SLF2: variants seen among roughly 807,000 people sequenced by gnomAD.
SLF2 encodes the protein SMC5-SMC6 complex localization factor protein 2.
Under a neutral mutation model 124.3 loss-of-function variants are expected in SLF2, and 68 were observed. The observed-to-expected ratio is 0.55, with a 90% CI of 0.45 to 0.67. SLF2 has a LOEUF of 0.67. SLF2 is among the 30% of genes least tolerant of loss of function. The probability of loss-of-function intolerance (pLI) is 0.00; values close to 1 mark genes in which losing one functional copy is unlikely to be tolerated. For synonymous variants in SLF2, 480 were observed against 478.8 expected (o/e 1.00, Z -0.03); for missense variants, 1,246 against 1,373.7 (o/e 0.91, Z 1.47).
In SLF2 at chr10:100,925,955, G is replaced by A. The variant is rs1849603440; in HGVS notation, c.1978G>A (p.Val660Ile). The change falls in exon 6 of 20, where the codon GTT becomes ATT. Residue 660 changes from valine to isoleucine, a missense_variant. Transcript: ENST00000238961. Reference sequence around the variant, plus strand: ...CTAAATGTTCTTGTTTTAGGGACATGTTCATCCTGGAACTTACACAAATAC... The same window carrying A: ...CTAAATGTTCTTGTTTTAGGGACATATTCATCCTGGAACTTACACAAATAC... ...RSQSSDYTGH[V>I]HPGTYTNTLE... The A allele has an allele frequency of 1.3e-6, 2 of 1,592,734 alleles. No homozygotes were observed. Among genetic ancestry groups the A allele is most frequent in the South Asian group, 1.1e-5 (1 of 87,396 alleles).
chr10:100,925,280 A>G (rs1432103287), intron 5 of SLF2, among the ~76,000 whole-genome samples: 1 of 152,226 alleles, frequency 6.6e-6, no homozygotes, highest in Admixed American at 6.5e-5. Flanking sequence ...TCTAAAGCAT[A>G]TGCAAAAACA....
Position 100,937,569 on chromosome 10 carries a change from G to T in SLF2, c.2512+92G>T. The T allele has an allele frequency of 1.7e-5, 14 of 835,086 alleles. No individual in the cohort carries two copies. The South Asian group carries it at 1.9e-4, about 12-fold the overall frequency. 51.7% of individuals were successfully genotyped at this position (835,086 alleles called of 1,614,324 possible). A position where few individuals can be genotyped will look rare whatever the true frequency, so the allele number is the denominator to read the frequency against. ...ACATTGCTAAATGTTAGTATATTTG[G>T]AAATATACAATACAAAATTATTTTT... is the stretch of plus-strand genomic sequence containing the variant. On this transcript the variant is annotated intron_variant, in intron 10 of 19. Coordinates refer to ENST00000238961, the MANE Select transcript of SLF2 (RefSeq NM_018121.4).
chr10:100,932,907 G>T (rs1849772602), intron 9 of SLF2, among the ~76,000 whole-genome samples: 1 of 152,102 alleles, frequency 6.6e-6, no homozygotes, highest in Non-Finnish European at 1.5e-5. Context: ...GCTTGTCAAT[G>T]TCACTCCTAA....
At chr10:100,955,252 TAA>T (rs756117577) in intron 17 of SLF2, among the ~76,000 whole-genome samples, 10 of 142,218 alleles carry the variant, frequency 7.0e-5, no homozygotes, top group Non-Finnish European at 1.4e-4. Flanking sequence ...CCCTATCTCT[TAA>T]AAAAAAAAAA....
chr10:100,926,136 T>C (rs1163186597), intron 6 of SLF2, 117 bp downstream of exon 6: 9 of 1,574,392 alleles, frequency 5.7e-6, no homozygotes, highest in Middle Eastern at 1.7e-4. Context: ...TTGGACTCTG[T>C]TGTCAACTGT....
At chr10:100,959,916 C>T (rs1448483360) in intron 19 of SLF2, among the ~76,000 whole-genome samples, 2 of 152,184 alleles carry the variant, frequency 1.3e-5, no homozygotes, top group Admixed American at 6.5e-5. Context: ...TACCCATTAG[C>T]AGTCATTCAT....
At position 100,918,435 on chromosome 10, in the gene SLF2, A is replaced by G. The variant is rs751152742; in HGVS notation, c.967A>G (p.Thr323Ala). ...KRSSSDSWEP[T>A]SAGSKQNKFP... ...ATCCTCTTCTGATTCATGGGAACCT[A>G]CTTCAGGTAGAATCAAAATTAAATT... Residue 323 changes from threonine (T) to alanine (A), a missense_variant, in exon 4 of 20, where the codon ACT becomes GCT. Thr to Ala is a moderately conservative substitution (Grantham distance 58). Transcript: ENST00000238961. The G allele has an allele frequency of 6.3e-7, 1 of 1,581,844 alleles. No homozygotes were observed. The highest frequency in any genetic ancestry group is 2.3e-5 in the East Asian group (1 of 44,106).
intron 17 of SLF2, among the ~76,000 whole-genome samples, chr10:100,951,113 G>A (rs149391230): frequency 2.6e-5 from 4 of 152,260 alleles, no homozygotes; most frequent in Non-Finnish European, 4.4e-5. Context: ...CGTTGTGGCA[G>A]GTGCCTGTAA....
chr10:100,924,688 G>C lies in SLF2; in HGVS notation c.1687G>C (p.Val563Leu). The change falls in exon 5 of 20, where the codon GTG (valine) becomes CTG (leucine). Residue 563 changes from valine to leucine, a missense_variant. Physicochemically the swap from Val to Leu is conservative, Grantham distance 32. Transcript: ENST00000238961. ...GTCTCCCCCTGCTGCTTTGGAAGTT[G>C]TGCCATGTATCCCAAGCCCTGCAGC... ...TKSPPAALEVVPCIPSPAAPS... is the reference protein window; with the variant it reads ...TKSPPAALEVLPCIPSPAAPS... The C allele has an allele frequency of 1.2e-6, 2 of 1,614,138 alleles. No homozygotes were observed. Among genetic ancestry groups the C allele is most frequent in the Non-Finnish European group, 1.7e-6 (2 of 1,180,034 alleles).
chr10:100,950,858 A>G (rs1307396680), intron 17 of SLF2, 105 bp downstream of exon 17: 6 of 856,296 alleles, frequency 7.0e-6, no homozygotes, highest in Non-Finnish European at 1.1e-5. Context: ...AACTTTTCTT[A>G]ATATAAAAGC....
intron 15 of SLF2, among the ~76,000 whole-genome samples, 193 bp from the exon 16 acceptor site, chr10:100,949,883 A>C (rs1850177614): frequency 6.6e-6 from 1 of 152,174 alleles, no homozygotes; most frequent in Admixed American, 6.5e-5. Context: ...GGTGTGAGCC[A>C]CCGTGCCCGA....
rs1216027737 is a variant in SLF2 at position 100,964,683 on chromosome 10, CATTTTT to C, written c.*2780_*2785del. ...CATCCAGGCTTAGTTGGAGTATTTG[CATTTTT>C]ATTTTTATCAAAACAAATATAATTG... is the stretch of plus-strand genomic sequence containing the variant. On this transcript the variant is annotated 3_prime_UTR_variant, in exon 20 of 20. Coordinates refer to ENST00000238961, the MANE Select transcript of SLF2 (RefSeq NM_018121.4). 1 of 152,602 alleles carries C rather than the reference CATTTTT, an allele frequency of 6.6e-6. No individual in the cohort carries two copies. Among genetic ancestry groups the C allele is most frequent in the Non-Finnish European group, 1.5e-5 (1 of 68,034 alleles). The allele number at this position is 152,602 out of a possible 1,614,324, so 9.5% of individuals were successfully genotyped here.
intron 13 of SLF2, among the ~76,000 whole-genome samples, chr10:100,946,785 T>C (rs937041365): frequency 1.3e-5 from 2 of 152,230 alleles, no homozygotes; most frequent in African/African-American, 2.4e-5. Context: ...GGAGATATGA[T>C]GTAGTACAAA....
At chr10:100,918,547 A>G (rs1849465002) in intron 4 of SLF2, 106 bp downstream of exon 4, 1 of 686,672 alleles carries the variant, frequency 1.5e-6, no homozygotes, top group African/African-American at 1.8e-5. Context: ...CTTGGGGATG[A>G]ATTAAGTGTC....
At chr10:100,931,206 C>G in intron 9 of SLF2, 128 bp downstream of exon 9, 1 of 696,908 alleles carries the variant, frequency 1.4e-6, no homozygotes, top group South Asian at 1.9e-5. Context: ...ATGTCAGTGG[C>G]TTAGAATGTA....
chr10:100,958,048 C>G (rs1850365609), intron 18 of SLF2, among the ~76,000 whole-genome samples: 1 of 151,412 alleles, frequency 6.6e-6, no homozygotes, highest in South Asian at 2.1e-4. Flanking sequence ...GACTCTGTCT[C>G]AAAAAATAAT....
chr10:100,916,727 T>C lies in SLF2; in HGVS notation c.342T>C (p.Ala114=). 6.4e-7 allele frequency: 1 copy of C among 1,572,672 alleles called. No individual in the cohort carries two copies. The highest frequency in any genetic ancestry group is 8.6e-7 in the Non-Finnish European group (1 of 1,165,284). Residue 114 remains alanine, a synonymous_variant, in exon 3 of 20, where the codon GCT becomes GCC. Coordinates refer to ENST00000238961, the MANE Select transcript of SLF2 (RefSeq NM_018121.4). ...CAGAAAAGAGCCCTATTATAGAAGC[T>C]TTCATGAAAGGTGTTAAAGAGCACC... The part of the protein sequence containing the change: ...VPPEKSPIIE[A]FMKGVKEHHE...
intron 4 of SLF2, among the ~76,000 whole-genome samples, chr10:100,920,050 GTTTT>G (rs1244627192): frequency 1.3e-5 from 2 of 152,166 alleles, no homozygotes; most frequent in African/African-American, 4.8e-5. Flanking sequence ...AGTTTTGTGT[GTTTT>G]TTGTTTATTT....
At chr10:100,950,281 A>G (rs1850185944) in intron 16 of SLF2, 74 bp downstream of exon 16, 7 of 1,451,112 alleles carry the variant, frequency 4.8e-6, no homozygotes, top group Middle Eastern at 2.4e-4. Context: ...ATAGACTGAT[A>G]TGTAGGCATT....
Sources: gnomAD v4.1 joint callset for allele counts (sites outside exome capture counted in the v4.1 genomes callset) on GRCh38, gnomAD v4.1.1 for gene constraint, MANE v1.5 for transcripts, NCBI Gene and HGNC (gene_info 2026-07-23, HGNC 2026-07-21) for gene names.